STAM: variants seen among roughly 807,000 people sequenced by gnomAD.
The protein encoded by STAM is signal transducing adapter molecule 1.
In STAM, 16 loss-of-function variants were observed where a neutral mutation model predicts 63.4. That is an observed-to-expected ratio of 0.25 (90% CI 0.17 to 0.38). STAM has a LOEUF of 0.38. STAM is among the 10% of genes least tolerant of loss of function. The probability of loss-of-function intolerance (pLI) is 1.00; values close to 1 mark genes in which losing one functional copy is unlikely to be tolerated. For missense variants in STAM, 636 were observed against 657.1 expected, an observed-to-expected ratio of 0.97 and a Z score of 0.35; for synonymous variants, 238 against 223.9, an observed-to-expected ratio of 1.06 and a Z score of -0.56.
chr10:17,693,700 A>C (rs1263218816), intron 6 of STAM, among the ~76,000 whole-genome samples: 3 of 152,178 alleles, frequency 2.0e-5, no homozygotes, highest in African/African-American at 7.2e-5. Flanking sequence ...TGAGTGTACC[A>C]TATTTTTCTG....
chr10:17,699,485 A>G (rs751180874), intron 8 of STAM, among the ~76,000 whole-genome samples: 16 of 152,186 alleles, frequency 1.1e-4, no homozygotes, highest in Non-Finnish European at 1.9e-4. Context: ...TGTTATGTTA[A>G]ATTGTTTTTA....
intron 1 of STAM, among the ~76,000 whole-genome samples, chr10:17,654,349 G>A (rs2131567756): frequency 6.6e-6 from 1 of 151,866 alleles, no homozygotes; most frequent in African/African-American, 2.4e-5. Flanking sequence ...CAGCCTCCCA[G>A]GTAGCTGGGA....
At chr10:17,661,337 C>T (rs1389386226) in intron 2 of STAM, among the ~76,000 whole-genome samples, 2 of 152,204 alleles carry the variant, frequency 1.3e-5, no homozygotes, top group Non-Finnish European at 2.9e-5. Flanking sequence ...TTGATATTTG[C>T]AGTGGTAATA....
intron 2 of STAM, among the ~76,000 whole-genome samples, chr10:17,664,240 T>C (rs1253222654): frequency 2.6e-5 from 4 of 152,076 alleles, no homozygotes; most frequent in African/African-American, 7.2e-5. Flanking sequence ...GGGATACTTA[T>C]GGTGGCATTC....
rs1205678615 is a variant in STAM at position 17,716,706 on chromosome 10, C to T, written c.*1926C>T. On this transcript the variant is annotated 3_prime_UTR_variant, in exon 14 of 14. Coordinates refer to ENST00000377524, the MANE Select transcript of STAM (RefSeq NM_003473.4). ...ACATAGTCTCTACTATGATTTTTGCCCTATAAAAGTCAAGTAACAGTGAAT... is the reference window on the plus strand; with the variant it reads ...ACATAGTCTCTACTATGATTTTTGCTCTATAAAAGTCAAGTAACAGTGAAT... Among the ~76,000 whole-genome samples, 2 of 151,894 alleles carry T rather than the reference C, an allele frequency of 1.3e-5. No individual in the cohort carries two copies. Among genetic ancestry groups the T allele is most frequent in the Non-Finnish European group, 2.9e-5 (2 of 67,984 alleles).
intron 2 of STAM, among the ~76,000 whole-genome samples, chr10:17,677,931 C>T (rs1238465104): frequency 6.6e-6 from 1 of 151,762 alleles, no homozygotes; most frequent in Non-Finnish European, 1.5e-5. Context: ...TTCCAGGGCT[C>T]ATTGGAGTTC....
At chr10:17,697,701 G>A (rs1026604355) in intron 8 of STAM, among the ~76,000 whole-genome samples, 1 of 151,602 alleles carries the variant, frequency 6.6e-6, no homozygotes, top group East Asian at 1.9e-4. Flanking sequence ...ATCAAGCAAA[G>A]TTTAAGTCAT....
chr10:17,651,431 G>A (rs1018135490), intron 1 of STAM, among the ~76,000 whole-genome samples: 4 of 152,242 alleles, frequency 2.6e-5, no homozygotes, highest in Admixed American at 2.0e-4. Context: ...GGATTCTAAG[G>A]TGTGCAATCA....
chr10:17,700,795 A>T (rs1835961182), intron 9 of STAM, among the ~76,000 whole-genome samples: 1 of 152,200 alleles, frequency 6.6e-6, no homozygotes, highest in Non-Finnish European at 1.5e-5. Flanking sequence ...TTGTTTGCAC[A>T]TGACTGAGGA....
intron 1 of STAM, among the ~76,000 whole-genome samples, chr10:17,653,773 A>G (rs12413908): frequency 0.036 from 5,534 of 152,284 alleles, 144 homozygotes; most frequent in East Asian, 0.09. Flanking sequence ...TGCAAATTCA[A>G]TGCCATTTTA....
At chr10:17,652,668 A>AT (rs1554821681) in intron 1 of STAM, among the ~76,000 whole-genome samples, 12 of 152,318 alleles carry the variant, frequency 7.9e-5, no homozygotes, top group Admixed American at 6.5e-4. Context: ...TAAAAAAAAA[A>AT]CAACCTGCTT....
intron 13 of STAM, among the ~76,000 whole-genome samples, chr10:17,709,770 C>G (rs1221557864): frequency 6.6e-6 from 1 of 151,220 alleles, no homozygotes; most frequent in Non-Finnish European, 1.5e-5. Context: ...ACTGCCCTCT[C>G]TTGCACTACT....
Position 17,700,302 on chromosome 10 carries a change from G to C in STAM, c.912+23G>C, listed in dbSNP as rs782379290. Reference sequence around the variant, plus strand: ...GAAGTAAGTGGTTTCCATGGTGATAGGAGTTGGTACTTTGTATTGAAATTT... The same window carrying C: ...GAAGTAAGTGGTTTCCATGGTGATACGAGTTGGTACTTTGTATTGAAATTT... On this transcript the variant is annotated intron_variant, in intron 9 of 13. Coordinates refer to ENST00000377524, the MANE Select transcript of STAM (RefSeq NM_003473.4). 6 of 1,553,916 alleles carry C rather than the reference G, an allele frequency of 3.9e-6. No homozygotes were observed. In the East Asian group the frequency reaches 1.4e-4, roughly 35 times the overall value.
intron 13 of STAM, among the ~76,000 whole-genome samples, chr10:17,714,147 C>T (rs1212873224): frequency 6.6e-6 from 1 of 152,154 alleles, no homozygotes; most frequent in East Asian, 1.9e-4. Context: ...AGGCACCCTA[C>T]CATAAACTAG....
intron 9 of STAM, among the ~76,000 whole-genome samples, chr10:17,700,817 T>C (rs1470893658): frequency 6.6e-6 from 1 of 152,220 alleles, no homozygotes; most frequent in Non-Finnish European, 1.5e-5. Context: ...GGGACACTCA[T>C]TGACTATCTA....
chr10:17,666,696 C>T (rs1834402807), intron 2 of STAM, among the ~76,000 whole-genome samples: 2 of 152,076 alleles, frequency 1.3e-5, no homozygotes, highest in African/African-American at 2.4e-5. Flanking sequence ...CCTGCCTGGC[C>T]TTTGGCTTTG....
At chr10:17,672,774 T>C (rs1834692437) in intron 2 of STAM, among the ~76,000 whole-genome samples, 1 of 152,224 alleles carries the variant, frequency 6.6e-6, no homozygotes, top group South Asian at 2.1e-4. Context: ...TTTTGGCCTT[T>C]ATACCTTGAC....
intron 5 of STAM, 55 bp downstream of exon 5, chr10:17,688,228 A>G (rs1589079889): frequency 1.5e-6 from 2 of 1,349,782 alleles, no homozygotes; most frequent in Non-Finnish European, 1.9e-6. Flanking sequence ...TTAAATAGCT[A>G]TATTTATTTG....
intron 2 of STAM, among the ~76,000 whole-genome samples, chr10:17,681,395 A>G (rs138439338): frequency 2.4e-4 from 37 of 151,140 alleles, no homozygotes; most frequent in African/African-American, 7.8e-4. Context: ...TTAATTTTCT[A>G]TATTTCTTTG....
Sources: allele counts gnomAD v4.1 joint callset (sites outside exome capture counted in the v4.1 genomes callset), GRCh38; gene constraint gnomAD v4.1.1; transcripts MANE v1.5; gene names NCBI Gene and HGNC (gene_info 2026-07-23, HGNC 2026-07-21).